ASTN1: variants seen among roughly 807,000 people sequenced by gnomAD.
The protein encoded by ASTN1 is astrotactin-1.
Under a neutral mutation model 140.7 loss-of-function variants are expected in ASTN1, and 41 were observed. The ratio of observed to expected loss-of-function variants is 0.29; its 90% confidence interval spans 0.23 to 0.38. The LOEUF is 0.38. ASTN1 is among the 10% of genes least tolerant of loss of function. The probability of loss-of-function intolerance (pLI) is 1.00; values close to 1 mark genes in which losing one functional copy is unlikely to be tolerated. For missense variants in ASTN1, 1,479 were observed against 1,678.8 expected, an observed-to-expected ratio of 0.88 and a Z score of 2.08; for synonymous variants, 640 against 652.2, an observed-to-expected ratio of 0.98 and a Z score of 0.29.
intron 1 of ASTN1, among the ~76,000 whole-genome samples, chr1:177,093,442 C>T (rs966872570): frequency 6.6e-6 from 1 of 152,134 alleles, no homozygotes; most frequent in Non-Finnish European, 1.5e-5. Context: ...AGTCTATTAC[C>T]CATTCCTCTA....
intron 1 of ASTN1, among the ~76,000 whole-genome samples, chr1:177,154,283 C>T (rs999372380): frequency 6.6e-6 from 1 of 152,140 alleles, no homozygotes. Context: ...GTCCAATAAA[C>T]CCTTCTGCAA....
At chr1:177,142,508 T>C (rs914748345) in intron 1 of ASTN1, among the ~76,000 whole-genome samples, 1 of 152,132 alleles carries the variant, frequency 6.6e-6, no homozygotes, top group Admixed American at 6.5e-5. Context: ...TGGAGTAGTT[T>C]GGAAAGCCAG....
Position 177,029,685 on chromosome 1 carries a change from G to T in ASTN1, c.1069C>A (p.Pro357Thr), listed in dbSNP as rs2101970440. 1.2e-6 allele frequency: 2 copies of T among 1,613,742 alleles called. No homozygotes were observed. The highest frequency in any genetic ancestry group is 1.7e-5 in the Admixed American group (1 of 59,990). Residue 357 changes from proline (P) to threonine (T), a missense_variant, in exon 5 of 23, where the codon CCC becomes ACC. Pro to Thr is a conservative substitution (Grantham distance 38). Coordinates refer to ENST00000361833, the MANE Select transcript of ASTN1 (RefSeq NM_004319.3). ...GGATCCGTGTAAAAGGTCAGCTGGG[G>T]GTCGTTTTCTGCCTCTGTGCCAGAA... ...GDSGTEAENDPQLTFYTDPSR... is the reference protein window; with the variant it reads ...GDSGTEAENDTQLTFYTDPSR...
intron 8 of ASTN1, among the ~76,000 whole-genome samples, chr1:176,992,814 G>A (rs941740771): frequency 2.0e-5 from 3 of 152,284 alleles, no homozygotes; most frequent in East Asian, 3.9e-4. Flanking sequence ...TTGATTTAGT[G>A]TTTATTGAAC....
chr1:176,861,122 A>C lies in ASTN1; in HGVS notation c.*3162T>G. On this transcript the variant is annotated 3_prime_UTR_variant, in exon 23 of 23. Transcript: ENST00000361833. Reference sequence around the variant, plus strand: ...GTTAATTATTTCATCTTTTATAATCATACAATAATTCTCTTTTAAACAACA... The same window carrying C: ...GTTAATTATTTCATCTTTTATAATCCTACAATAATTCTCTTTTAAACAACA... 1.1e-6 allele frequency: 1 copy of C among 947,400 alleles called. No homozygotes were observed. Among genetic ancestry groups the C allele is most frequent in the Non-Finnish European group, 1.3e-6 (1 of 795,342 alleles). 58.7% of individuals were successfully genotyped at this position (947,400 alleles called of 1,614,324 possible).
chr1:177,121,232 A>G (rs1013324258), intron 1 of ASTN1, among the ~76,000 whole-genome samples: 10 of 152,154 alleles, frequency 6.6e-5, no homozygotes, highest in African/African-American at 2.4e-4. Context: ...AGTGCTTTAT[A>G]AGATGAACAC....
chr1:176,970,373 C>T (rs987572795), intron 8 of ASTN1, among the ~76,000 whole-genome samples: 13 of 152,178 alleles, frequency 8.5e-5, no homozygotes, highest in African/African-American at 3.1e-4. Flanking sequence ...CTCAGTGCAG[C>T]AAGGGACTAC....
intron 1 of ASTN1, among the ~76,000 whole-genome samples, chr1:177,103,973 A>G (rs1203642723): frequency 2.6e-5 from 4 of 152,104 alleles, no homozygotes; most frequent in Non-Finnish European, 4.4e-5. Flanking sequence ...AATCCAAACC[A>G]TGGTGCTGCT....
chr1:176,941,346 T>C (rs967928796), intron 14 of ASTN1, among the ~76,000 whole-genome samples: 1 of 152,158 alleles, frequency 6.6e-6, no homozygotes, highest in African/African-American at 2.4e-5. Flanking sequence ...TTAACAAAAA[T>C]AGGTTAAAAA....
rs1676519152 is a variant in ASTN1, at chr1:177,032,861, G to A, written c.472-12C>T. The A allele has an allele frequency of 3.2e-6, 5 of 1,580,620 alleles. No homozygotes were observed. The highest frequency in any genetic ancestry group is 4.3e-6 in the Non-Finnish European group (5 of 1,162,610). On this transcript the variant is annotated splice_polypyrimidine_tract_variant and intron_variant, in intron 2 of 22. Coordinates refer to ENST00000361833, the MANE Select transcript of ASTN1 (RefSeq NM_004319.3). ...GCGATCATGCCACCCTAGGAAGAGA[G>A]GACCACAGATGGATGTGGGAAGATG... is the stretch of plus-strand genomic sequence containing the variant.
chr1:176,997,688 C>T (rs10489305), intron 8 of ASTN1, among the ~76,000 whole-genome samples: 52,703 of 151,676 alleles, frequency 0.35, 9,959 homozygotes, highest in Non-Finnish European at 0.43. Flanking sequence ...AAAAATAAGC[C>T]CTTGCTCCAA....
intron 4 of ASTN1, 135 bp downstream of exon 4, chr1:177,030,671 C>A: frequency 8.2e-7 from 1 of 1,225,918 alleles, no homozygotes; most frequent in Middle Eastern, 2.0e-4. Flanking sequence ...TAGCATTTAA[C>A]TGGCCTCCAG....
At chr1:177,023,310 G>T in intron 7 of ASTN1, 94 bp downstream of exon 7, 1 of 1,438,512 alleles carries the variant, frequency 7.0e-7, no homozygotes, top group Non-Finnish European at 9.4e-7. Flanking sequence ...GCAGTGGGAC[G>T]GGGAGTTGGG....
intron 2 of ASTN1, among the ~76,000 whole-genome samples, chr1:177,038,898 A>C (rs2101989577): frequency 6.6e-6 from 1 of 152,324 alleles, no homozygotes; most frequent in East Asian, 1.9e-4. Flanking sequence ...TCTTCTTCAA[A>C]CCAAAGAAAC....
intron 17 of ASTN1, among the ~76,000 whole-genome samples, chr1:176,890,476 C>A (rs1028340997): frequency 6.6e-6 from 1 of 152,022 alleles, no homozygotes; most frequent in Non-Finnish European, 1.5e-5. Context: ...TAAAAGACAG[C>A]CTGAGGGAGA....
At chr1:176,926,022 T>C (rs1458751063) in intron 16 of ASTN1, among the ~76,000 whole-genome samples, 1 of 152,098 alleles carries the variant, frequency 6.6e-6, no homozygotes, top group Non-Finnish European at 1.5e-5. Flanking sequence ...TTAGCCAGGA[T>C]GGTCTCGATC....
intron 16 of ASTN1, among the ~76,000 whole-genome samples, chr1:176,911,543 TA>T (rs1557953652): frequency 2.6e-5 from 4 of 152,182 alleles, no homozygotes; most frequent in Non-Finnish European, 5.9e-5. Flanking sequence ...TTTATTTTTT[TA>T]TTTTTTTTAC....
chr1:177,140,198 G>C (rs1682398576), intron 1 of ASTN1, among the ~76,000 whole-genome samples: 1 of 152,232 alleles, frequency 6.6e-6, no homozygotes, highest in Non-Finnish European at 1.5e-5. Flanking sequence ...TTTTTGAGAA[G>C]AGGAAGTTAT....
intron 8 of ASTN1, among the ~76,000 whole-genome samples, chr1:177,012,194 C>T (rs994422558): frequency 6.6e-6 from 1 of 152,204 alleles, no homozygotes; most frequent in Non-Finnish European, 1.5e-5. Context: ...ATTCGAGTGA[C>T]AGTCTTCATG....
Sources: allele counts gnomAD v4.1 joint callset (sites outside exome capture counted in the v4.1 genomes callset), GRCh38; gene constraint gnomAD v4.1.1; transcripts MANE v1.5; gene names NCBI Gene and HGNC (gene_info 2026-07-23, HGNC 2026-07-21).